Variants in RSU1 observed in about 807,000 individuals in gnomAD.
RSU1 encodes rsu-1.
Under a neutral mutation model 31.1 loss-of-function variants are expected in RSU1, and 26 were observed. The observed-to-expected ratio is 0.84, with a 90% CI of 0.61 to 1.16. The LOEUF (loss-of-function observed/expected upper bound fraction) is 1.16, where lower values mean the gene tolerates loss of function less well. Ranked by LOEUF, RSU1 falls within the 50% of genes most tolerant of loss-of-function variation. RSU1 has a pLI of 0.00. For synonymous variants in RSU1, 164 were observed against 136.3 expected (o/e 1.20, Z -1.41); for missense variants, 320 against 339.1 (o/e 0.94, Z 0.44).
intron 8 of RSU1, among the ~76,000 whole-genome samples, chr10:16,631,645 GAAAAGA>G (rs1834251806): frequency 6.6e-6 from 1 of 152,154 alleles, no homozygotes; most frequent in South Asian, 2.1e-4. Flanking sequence ...TTACAAGCCA[GAAAAGA>G]AAAAGAGGAT....
In RSU1 at chr10:16,600,501, T is replaced by A. The variant is rs74489360; in HGVS notation, c.732-7005A>T. ...CTGTACTCAGAATAAATTTTGCAAC[T>A]TTTTTTTTGATTAAGCAGATATATT... On this transcript the variant is annotated intron_variant, in intron 8 of 8. Coordinates refer to ENST00000345264, the MANE Select transcript of RSU1 (RefSeq NM_012425.4). Among the ~76,000 whole-genome samples the A allele has an allele frequency of 3.2e-3, 491 of 151,086 alleles. 2 individuals are homozygous for A. Among genetic ancestry groups the A allele is most frequent in the African/African-American group, 0.011 (460 of 41,116 alleles).
chr10:16,698,461 A>G (rs1223245899), intron 7 of RSU1, among the ~76,000 whole-genome samples: 1 of 152,130 alleles, frequency 6.6e-6, no homozygotes, highest in Non-Finnish European at 1.5e-5. Flanking sequence ...GCATCTTACT[A>G]AGTGTGCAGT....
intron 8 of RSU1, among the ~76,000 whole-genome samples, chr10:16,602,685 G>A (rs1833732671): frequency 6.6e-6 from 1 of 152,208 alleles, no homozygotes; most frequent in South Asian, 2.1e-4. Context: ...CGTGTCATAT[G>A]TATCCCTACT....
chr10:16,604,218 A>G (rs1833760801), intron 8 of RSU1, among the ~76,000 whole-genome samples: 1 of 152,202 alleles, frequency 6.6e-6, no homozygotes, highest in African/African-American at 2.4e-5. Context: ...AGTAATAAAA[A>G]TCAACACAGA....
chr10:16,671,561 A>G (rs910552710), intron 8 of RSU1, among the ~76,000 whole-genome samples: 1 of 151,868 alleles, frequency 6.6e-6, no homozygotes, highest in African/African-American at 2.4e-5. Flanking sequence ...CGATCCTCCC[A>G]CCTCAGCTTC....
rs553644911 is a variant in RSU1, at chr10:16,674,234, C to T, written c.731+20789G>A. ...TCTTTCAAAGCCTAGCTAAAAAGAG[C>T]GACTAGATTTGATGGGAAATAGCTG... On this transcript the variant is annotated intron_variant, in intron 8 of 8. Coordinates refer to ENST00000345264, the MANE Select transcript of RSU1 (RefSeq NM_012425.4). Among the ~76,000 whole-genome samples the T allele has an allele frequency of 5.7e-4, 87 of 151,974 alleles. No individual in the cohort carries two copies. In the Middle Eastern group the frequency reaches 0.01, roughly 18 times the overall value.
rs148201409 is a variant in RSU1, at chr10:16,749,697, T to C, written c.598+2842A>G. On this transcript the variant is annotated intron_variant, in intron 7 of 8. Coordinates refer to ENST00000345264, the MANE Select transcript of RSU1 (RefSeq NM_012425.4). ...AGACACGGGGACAACGCAACTGGCT[T>C]GGAAAGGGCCAGCAATTTGTCTTGC... Among the ~76,000 whole-genome samples, 463 of 152,240 alleles carry C rather than the reference T, an allele frequency of 3.0e-3. 1 individual carries two copies. Among genetic ancestry groups the C allele is most frequent in the Admixed American group, 6.8e-3 (104 of 15,296 alleles).
chr10:16,633,151 C>T (rs1052895570), intron 8 of RSU1, among the ~76,000 whole-genome samples: 3 of 152,080 alleles, frequency 2.0e-5, no homozygotes, highest in Admixed American at 2.0e-4. Context: ...AATAGCACCC[C>T]CACACCAGCT....
chr10:16,789,256 AGC>A (rs1201013562), intron 2 of RSU1, among the ~76,000 whole-genome samples: 1 of 152,226 alleles, frequency 6.6e-6, no homozygotes, highest in East Asian at 1.9e-4. Context: ...TCGTTGCTTC[AGC>A]CGATCACACC....
chr10:16,701,288 C>G (rs1056182738), intron 7 of RSU1, among the ~76,000 whole-genome samples: 5 of 152,196 alleles, frequency 3.3e-5, no homozygotes, highest in African/African-American at 4.8e-5. Flanking sequence ...GTGAACATCA[C>G]GCTTGTGGCC....
chr10:16,712,317 T>A (rs190306476), intron 7 of RSU1, among the ~76,000 whole-genome samples: 169 of 152,288 alleles, frequency 1.1e-3, no homozygotes, highest in African/African-American at 3.9e-3. Context: ...GAGACTTTAA[T>A]CCATTTATAT....
At chr10:16,597,254 C>T (rs566892891) in intron 8 of RSU1, among the ~76,000 whole-genome samples, 5 of 152,274 alleles carry the variant, frequency 3.3e-5, no homozygotes, top group South Asian at 4.1e-4. Flanking sequence ...TCCAGGCAAG[C>T]GATTTCAGAA....
chr10:16,784,687 C>A (rs1169720232), intron 2 of RSU1, among the ~76,000 whole-genome samples: 2 of 152,228 alleles, frequency 1.3e-5, no homozygotes, highest in Non-Finnish European at 2.9e-5. Flanking sequence ...AAAGGCACAT[C>A]TTACATGGCA....
intron 3 of RSU1, among the ~76,000 whole-genome samples, chr10:16,779,939 A>C (rs1480397553): frequency 6.6e-6 from 1 of 152,144 alleles, no homozygotes; most frequent in African/African-American, 2.4e-5. Context: ...GAATTTACCA[A>C]GACTATTAAT....
intron 8 of RSU1, among the ~76,000 whole-genome samples, chr10:16,670,744 G>C (rs1020933700): frequency 6.6e-6 from 1 of 151,982 alleles, no homozygotes; most frequent in African/African-American, 2.4e-5. Flanking sequence ...GTCAGTACTG[G>C]TCAGCACCAT....
chr10:16,802,285 C>T (rs1290109949), intron 2 of RSU1, among the ~76,000 whole-genome samples: 1 of 150,590 alleles, frequency 6.6e-6, no homozygotes, highest in African/African-American at 2.4e-5. Flanking sequence ...AATAAAGTAA[C>T]ATTATAAACA....
chr10:16,616,997 C>T (rs1186674632), intron 8 of RSU1, among the ~76,000 whole-genome samples: 4 of 152,180 alleles, frequency 2.6e-5, no homozygotes, highest in Non-Finnish European at 4.4e-5. Context: ...CCAGGGCAAT[C>T]AGGCAAGAGA....
intron 7 of RSU1, among the ~76,000 whole-genome samples, chr10:16,743,528 C>G (rs1424450325): frequency 1.3e-5 from 2 of 152,150 alleles, no homozygotes; most frequent in African/African-American, 4.8e-5. Flanking sequence ...TAAAACTAAT[C>G]TGAAAAATGT....
chr10:16,741,554 G>C (rs78353158), intron 7 of RSU1, among the ~76,000 whole-genome samples: 7,319 of 152,142 alleles, frequency 0.048, 512 homozygotes, highest in African/African-American at 0.15. Context: ...AAATTCCAAG[G>C]AGAGAGCAAA....
Sources: gnomAD v4.1 joint callset for allele counts (sites outside exome capture counted in the v4.1 genomes callset) on GRCh38, gnomAD v4.1.1 for gene constraint, MANE v1.5 for transcripts, NCBI Gene and HGNC (gene_info 2026-07-23, HGNC 2026-07-21) for gene names.